The following SMIM8 variants were observed in gnomAD, a reference collection of about 807,000 sequenced individuals.
SMIM8 encodes the protein small integral membrane protein 8.
SMIM8 carries 8 observed loss-of-function variants against 8.1 expected under a neutral mutation model. The observed-to-expected ratio is 0.99, with a 90% CI of 0.58 to 1.78. The LOEUF is 1.78. Ranked by LOEUF, SMIM8 falls within the 40% of genes most tolerant of loss-of-function variation. The pLI is 0.00. For synonymous variants in SMIM8, 45 were observed against 39.7 expected, an observed-to-expected ratio of 1.13 and a Z score of -0.50; for missense variants, 126 against 119.8, an observed-to-expected ratio of 1.05 and a Z score of -0.24.
intron 1 of SMIM8, among the ~76,000 whole-genome samples, chr6:87,328,582 A>T (rs1776901966): frequency 6.6e-6 from 1 of 152,006 alleles, no homozygotes; most frequent in South Asian, 2.1e-4. Context: ...GGGGTCAGGG[A>T]CCCACTTGAG....
At position 87,334,808 on chromosome 6, in the gene SMIM8, A is replaced by G. The variant is rs150743342; in HGVS notation, c.-23-2201A>G. Among the ~76,000 whole-genome samples, 195 of 152,352 alleles carry G rather than the reference A, an allele frequency of 1.3e-3. 2 individuals are homozygous for G. The highest frequency in any genetic ancestry group is 6.8e-3 in the Middle Eastern group (2 of 294). Reference sequence around the variant, plus strand: ...CTCCGTGATTACCAAGCCAATACACATGCCTGAATAATGAGAGATGTGTTA... The same window carrying G: ...CTCCGTGATTACCAAGCCAATACACGTGCCTGAATAATGAGAGATGTGTTA... On this transcript the variant is annotated intron_variant, in intron 2 of 3. Transcript: ENST00000392863.
chr6:87,341,374 TG>T lies in SMIM8; in HGVS notation c.*1102del. On this transcript the variant is annotated 3_prime_UTR_variant, in exon 4 of 4. Transcript: ENST00000392863. ...AGAAGCAGAATGGCCTTGGTTGTCC[TG>T]GCACCTGGCCCAGGGGCCTAGGACA... is the stretch of plus-strand genomic sequence containing the variant. The T allele has an allele frequency of 2.7e-6, 1 of 370,788 alleles. No homozygotes were observed. The highest frequency in any genetic ancestry group is 4.7e-6 in the Non-Finnish European group (1 of 211,546). 23.0% of individuals were successfully genotyped at this position (370,788 alleles called of 1,614,324 possible). A position where few individuals can be genotyped will look rare whatever the true frequency, so the allele number is the denominator to read the frequency against.
chr6:87,330,796 C>G (rs1776977609), intron 2 of SMIM8, 84 bp downstream of exon 2: 1 of 151,656 alleles, frequency 6.6e-6, no homozygotes. Flanking sequence ...GTGAAATGTT[C>G]TACTCTCCTC....
At chr6:87,339,325 CGTGTGTGTGTGTGTGTGTGTGT>C (rs59321615) in intron 3 of SMIM8, among the ~76,000 whole-genome samples, 4 of 124,086 alleles carry the variant, frequency 3.2e-5, no homozygotes, top group East Asian at 2.4e-4. Flanking sequence ...CAAAACACAG[CGTGTGTGTGTGTGTGTGTGTGT>C]GTGTGTGTGT....
chr6:87,328,377 G>T (rs562746192), intron 1 of SMIM8, among the ~76,000 whole-genome samples: 2 of 152,148 alleles, frequency 1.3e-5, no homozygotes, highest in East Asian at 3.9e-4. Flanking sequence ...CCCCATCTTT[G>T]TGGTTTTATC....
At chr6:87,324,776 C>T (rs1273434073) in intron 1 of SMIM8, among the ~76,000 whole-genome samples, 1 of 152,126 alleles carries the variant, frequency 6.6e-6, no homozygotes, top group Non-Finnish European at 1.5e-5. Context: ...TCCATATGAA[C>T]TTTAAAGTAG....
At chr6:87,338,796 T>C (rs897608794) in intron 3 of SMIM8, among the ~76,000 whole-genome samples, 3 of 152,158 alleles carry the variant, frequency 2.0e-5, no homozygotes, top group Non-Finnish European at 4.4e-5. Context: ...GACCAACTCG[T>C]TGAGTGTGAA....
At chr6:87,328,620 C>G (rs1776903583) in intron 1 of SMIM8, among the ~76,000 whole-genome samples, 1 of 152,198 alleles carries the variant, frequency 6.6e-6, no homozygotes, top group African/African-American at 2.4e-5. Flanking sequence ...CTCAGATCTC[C>G]AGCTGCGTGC....
At chr6:87,332,044 A>G (rs1777006411) in intron 2 of SMIM8, among the ~76,000 whole-genome samples, 1 of 152,098 alleles carries the variant, frequency 6.6e-6, no homozygotes, top group Non-Finnish European at 1.5e-5. Flanking sequence ...TTGCAATATA[A>G]CAAATACTAC....
In SMIM8 at chr6:87,340,455, A is replaced by C; in HGVS notation, c.*181A>C. The C allele has an allele frequency of 4.6e-6, 2 of 435,142 alleles. No homozygotes were observed. The highest frequency in any genetic ancestry group is 7.5e-6 in the Non-Finnish European group (2 of 265,676). The allele number at this position is 435,142 out of a possible 1,614,324, so 27.0% of individuals were successfully genotyped here. On this transcript the variant is annotated 3_prime_UTR_variant, in exon 4 of 4. Transcript: ENST00000392863. ...CTTTCACAGCTGCAGCCATTATCTC[A>C]TTCTTTTTCCACAGAGTGAGCGTCA...
intron 1 of SMIM8, among the ~76,000 whole-genome samples, chr6:87,327,345 GT>G (rs1776852639): frequency 6.6e-6 from 1 of 152,052 alleles, no homozygotes; most frequent in Non-Finnish European, 1.5e-5. Context: ...AGTTGATACA[GT>G]TTCTTCCTAG....
chr6:87,326,784 T>C (rs374418134), intron 1 of SMIM8, among the ~76,000 whole-genome samples: 3 of 118,060 alleles, frequency 2.5e-5, no homozygotes, highest in Middle Eastern at 3.8e-3. Context: ...CTATTAGGTC[T>C]GCTTGGTGCA....
intron 3 of SMIM8, among the ~76,000 whole-genome samples, chr6:87,338,816 A>G (rs1777162559): frequency 2.0e-5 from 3 of 152,320 alleles, no homozygotes; most frequent in South Asian, 4.1e-4. Context: ...ACATGCAAAG[A>G]AAAGGGTCTG....
intron 2 of SMIM8, among the ~76,000 whole-genome samples, chr6:87,331,266 GTCTTAGGTGAGTGGTAA>G (rs760519872): frequency 3.3e-5 from 5 of 152,330 alleles, no homozygotes; most frequent in Non-Finnish European, 7.3e-5. Flanking sequence ...AACTGGTTTT[GTCTTAGGTGAGTGGTAA>G]TGTCAGAGTA....
At chr6:87,326,353 G>C (rs1562220328) in intron 1 of SMIM8, among the ~76,000 whole-genome samples, 1 of 152,086 alleles carries the variant, frequency 6.6e-6, no homozygotes. Flanking sequence ...TCTTAATTGT[G>C]ATGTTAGGGT....
Position 87,340,244 on chromosome 6 carries a change from T to C in SMIM8, c.264T>C (p.Tyr88=), listed in dbSNP as rs200217370. 4.4e-6 allele frequency: 7 copies of C among 1,606,088 alleles called. No individual in the cohort carries two copies. The African/African-American group carries it at 8.1e-5, about 18-fold the overall frequency. ...YEAIDSEGHS[Y]MRRKTSKWD Reference sequence around the variant, plus strand: ...CTATTGATAGTGAGGGGCACAGTTATATGAGGCGGAAAACATCCAAATGGG... The same window carrying C: ...CTATTGATAGTGAGGGGCACAGTTACATGAGGCGGAAAACATCCAAATGGG... The change falls in exon 4 of 4, where the codon TAT becomes TAC. Residue 88 remains tyrosine, a synonymous_variant. Transcript: ENST00000392863.
intron 3 of SMIM8, among the ~76,000 whole-genome samples, chr6:87,339,590 G>T (rs1777179172): frequency 6.6e-6 from 1 of 152,118 alleles, no homozygotes; most frequent in Admixed American, 6.6e-5. Context: ...TCCCAGAGAA[G>T]AGTGTATACA....
intron 2 of SMIM8, among the ~76,000 whole-genome samples, chr6:87,331,252 C>CATT (rs779308421): frequency 6.6e-6 from 1 of 152,286 alleles, no homozygotes; most frequent in East Asian, 1.9e-4. Flanking sequence ...GTGTGCTGGA[C>CATT]ATTAACTGGT....
In SMIM8 at chr6:87,341,802, T is replaced by C. The variant is rs1777242591; in HGVS notation, c.*1528T>C. Reference sequence around the variant, plus strand: ...TGTCTGTATAATGTACTTCATATAGTTTAAAATGCACTTCAGTGATACAAA... The same window carrying C: ...TGTCTGTATAATGTACTTCATATAGCTTAAAATGCACTTCAGTGATACAAA... On this transcript the variant is annotated 3_prime_UTR_variant, in exon 4 of 4. Coordinates refer to ENST00000392863, the MANE Select transcript of SMIM8 (RefSeq NM_001042493.3). The C allele has an allele frequency of 6.6e-6, 1 of 152,378 alleles. No individual in the cohort carries two copies. The highest frequency in any genetic ancestry group is 2.4e-5 in the African/African-American group (1 of 41,482). The allele number at this position is 152,378 out of a possible 1,614,324, so 9.4% of individuals were successfully genotyped here.
Sources: allele counts gnomAD v4.1 joint callset (sites outside exome capture counted in the v4.1 genomes callset), GRCh38; gene constraint gnomAD v4.1.1; transcripts MANE v1.5; gene names NCBI Gene and HGNC (gene_info 2026-07-23, HGNC 2026-07-21).